The following TRDN variants were observed in gnomAD, a reference collection of about 807,000 sequenced individuals.
TRDN encodes the protein triadin in skeletal muscle.
A neutral mutation model predicts 149.7 loss-of-function variants in TRDN; 161 were observed. The ratio of observed to expected loss-of-function variants is 1.08; its 90% CI spans 0.95 to 1.23. The LOEUF (loss-of-function observed/expected upper bound fraction) is 1.23, where lower values mean the gene tolerates loss of function less well. Among genes scored for constraint, TRDN ranks in the 50% most tolerant of loss-of-function variants. The pLI is 0.00. For missense variants in TRDN, 896 were observed against 823.5 expected (o/e 1.09, Z -1.08); for synonymous variants, 294 against 250.5 (o/e 1.17, Z -1.64).
rs546026256 is a variant in TRDN at position 123,593,468 on chromosome 6, T to C, written c.23-22336A>G. Among the ~76,000 whole-genome samples the C allele has an allele frequency of 1.2e-3, 187 of 152,340 alleles. 1 individual carries two copies. The highest frequency in any genetic ancestry group is 4.3e-3 in the African/African-American group (177 of 41,594). ...ACAACATACCACAAACTGGGTGACT[T>C]ACACACAACACAAATGTGTTGCCAC... On this transcript the variant is annotated intron_variant, in intron 1 of 40. Transcript: ENST00000334268.
At chr6:123,280,423 A>C (rs1327761771) in intron 24 of TRDN, among the ~76,000 whole-genome samples, 1 of 152,118 alleles carries the variant, frequency 6.6e-6, no homozygotes, top group Non-Finnish European at 1.5e-5. Context: ...ATCTTTTTCC[A>C]TTCCACGTAA....
In TRDN at chr6:123,541,761, G is replaced by A. The variant is rs191511390; in HGVS notation, c.424+5579C>T. Among the ~76,000 whole-genome samples, 11 of 152,194 alleles carry A rather than the reference G, an allele frequency of 7.2e-5. No homozygotes were observed. The East Asian group carries it at 2.1e-3, about 29-fold the overall frequency. On this transcript the variant is annotated intron_variant, in intron 4 of 40. Coordinates refer to ENST00000334268, the MANE Select transcript of TRDN (RefSeq NM_006073.4). ...ATTCTGAGGCTATGAATTTTAACAA[G>A]TTTAGTCATCTTTCCATTCTCCTTC...
intron 4 of TRDN, among the ~76,000 whole-genome samples, chr6:123,539,517 G>C (rs1780719939): frequency 6.6e-6 from 1 of 152,192 alleles, no homozygotes; most frequent in African/African-American, 2.4e-5. Context: ...AGAACTGAGA[G>C]CCACTGAAGT....
chr6:123,403,897 T>C (rs9490742), intron 12 of TRDN, among the ~76,000 whole-genome samples: 1 of 151,930 alleles, frequency 6.6e-6, no homozygotes, highest in Non-Finnish European at 1.5e-5. Context: ...AAGATAGCAG[T>C]TGAAGGGAGG....
intron 10 of TRDN, among the ~76,000 whole-genome samples, chr6:123,444,725 C>T (rs1279442149): frequency 6.6e-6 from 1 of 152,102 alleles, no homozygotes; most frequent in Non-Finnish European, 1.5e-5. Context: ...GAGTTTTTAG[C>T]AAGAAGGGTT....
Position 123,382,126 on chromosome 6 carries a change from G to T in TRDN, c.1157C>A (p.Pro386His). ...AGAAATATGTCCAGTACCTTCTGCA[G>T]GTTTTTTTGTTTTCTTGGAATCTGA... ...KKEDSKKTKK[P>H]AEVEQPKGKK... The change falls in exon 15 of 41, where the codon CCT becomes CAT. Residue 386 changes from proline (P) to histidine (H), a missense_variant. By Grantham distance (77) the Pro-to-His change is moderately conservative. Coordinates refer to ENST00000334268, the MANE Select transcript of TRDN (RefSeq NM_006073.4). 6.7e-7 allele frequency: 1 copy of T among 1,495,454 alleles called. No individual in the cohort carries two copies. The highest frequency in any genetic ancestry group is 8.9e-7 in the Non-Finnish European group (1 of 1,121,650). 92.6% of individuals were successfully genotyped at this position (1,495,454 alleles called of 1,614,324 possible).
intron 30 of TRDN, among the ~76,000 whole-genome samples, chr6:123,270,838 A>T (rs1409714113): frequency 2.0e-5 from 3 of 152,044 alleles, no homozygotes; most frequent in Non-Finnish European, 2.9e-5. Context: ...AAGATTAAAC[A>T]CCTAAGTATA....
chr6:123,260,683 AAT>A, intron 33 of TRDN, 45 bp from the exon 34 acceptor site: 2 of 1,385,214 alleles, frequency 1.4e-6, no homozygotes, highest in Non-Finnish European at 1.9e-6. Context: ...AAGGAAAAAA[AAT>A]AAAAAGAAAA....
intron 24 of TRDN, among the ~76,000 whole-genome samples, chr6:123,304,603 GT>G (rs35663238): frequency 5.9e-5 from 9 of 151,858 alleles, no homozygotes; most frequent in East Asian, 1.9e-4. Flanking sequence ...ACTTATGCAA[GT>G]TTTTTTTATA....
chr6:123,323,752 T>G (rs1779344394), intron 23 of TRDN, among the ~76,000 whole-genome samples: 2 of 152,234 alleles, frequency 1.3e-5, no homozygotes, highest in African/African-American at 4.8e-5. Context: ...TGTCATCATT[T>G]CATTTTCATG....
At chr6:123,277,153 A>C (rs1194239542) in intron 26 of TRDN, among the ~76,000 whole-genome samples, 1 of 152,192 alleles carries the variant, frequency 6.6e-6, no homozygotes, top group Non-Finnish European at 1.5e-5. Context: ...TCACAGGTTC[A>C]AAAAGAGAAG....
chr6:123,407,757 T>G (rs1047910498), intron 12 of TRDN, among the ~76,000 whole-genome samples: 23 of 151,742 alleles, frequency 1.5e-4, no homozygotes, highest in Admixed American at 5.9e-4. Flanking sequence ...ATGGCAATAT[T>G]TTTTTTTGTA....
Position 123,438,983 on chromosome 6 carries a change from T to G in TRDN, c.952A>C (p.Lys318Gln). The G allele has an allele frequency of 6.4e-7, 1 of 1,561,326 alleles. No homozygotes were observed. Among genetic ancestry groups the G allele is most frequent in the Non-Finnish European group, 8.7e-7 (1 of 1,151,560 alleles). Residue 318 changes from lysine to glutamine, a missense_variant, in exon 11 of 41, where the codon AAG becomes CAG. By Grantham distance (53) the Lys-to-Gln change is moderately conservative. Transcript: ENST00000334268. The stretch of plus-strand genomic sequence containing the variant: ...TCAGAAGTAACTTTCTTCTCAGCCT[T>G]CTTCTTTTCCCCTTCTTTTTCTAGA... ...ALEEKEGEKK[K>Q]AEKKVTSETK...
chr6:123,502,471 G>GA (rs1231549435), intron 8 of TRDN: 19 of 808,470 alleles, frequency 2.4e-5, no homozygotes, highest in South Asian at 5.6e-5. Context: ...ACTAAAAAAA[G>GA]AAAAAATCTT....
intron 24 of TRDN, among the ~76,000 whole-genome samples, chr6:123,311,743 A>G (rs1778830836): frequency 6.6e-6 from 1 of 151,974 alleles, no homozygotes; most frequent in Admixed American, 6.6e-5. Flanking sequence ...ATTATTGAAG[A>G]TGTCATCTTT....
At chr6:123,376,484 G>A (rs942512171) in intron 18 of TRDN, among the ~76,000 whole-genome samples, 4 of 151,920 alleles carry the variant, frequency 2.6e-5, no homozygotes, top group East Asian at 3.9e-4. Flanking sequence ...ATCATCAAGC[G>A]CCCAATGTGT....
intron 40 of TRDN, 104 bp downstream of exon 40, chr6:123,221,383 T>C: frequency 2.9e-6 from 2 of 683,408 alleles, no homozygotes; most frequent in East Asian, 3.3e-5. Context: ...TGCTAAAAAA[T>C]TTTTTCTTCG....
At chr6:123,274,768 G>C in intron 26 of TRDN, 98 bp from the exon 27 acceptor site, 1 of 1,208,462 alleles carries the variant, frequency 8.3e-7, no homozygotes, top group Non-Finnish European at 1.2e-6. Flanking sequence ...TCATAATTGG[G>C]AGGATGAGGC....
intron 12 of TRDN, among the ~76,000 whole-genome samples, chr6:123,406,174 A>G (rs979665872): frequency 2.0e-5 from 3 of 152,206 alleles, no homozygotes; most frequent in African/African-American, 7.2e-5. Flanking sequence ...AGGACCAAAG[A>G]AAACTAAAAC....
Sources: allele counts gnomAD v4.1 joint callset (sites outside exome capture counted in the v4.1 genomes callset), GRCh38; gene constraint gnomAD v4.1.1; transcripts MANE v1.5; gene names NCBI Gene and HGNC (gene_info 2026-07-23, HGNC 2026-07-21).